Variants in DPP10 observed in about 807,000 individuals in gnomAD.
The protein encoded by DPP10 is inactive dipeptidyl peptidase 10.
A neutral mutation model predicts 120.9 loss-of-function variants in DPP10; 33 were observed. That is an observed-to-expected ratio of 0.27 (90% CI 0.21 to 0.37). The LOEUF (loss-of-function observed/expected upper bound fraction) is 0.37, where lower values mean the gene tolerates loss of function less well. DPP10 is among the 10% of genes least tolerant of loss of function. DPP10 has a pLI of 1.00. For missense variants in DPP10, 816 were observed against 942.8 expected, an observed-to-expected ratio of 0.87 and a Z score of 1.76; for synonymous variants, 337 against 326.1, an observed-to-expected ratio of 1.03 and a Z score of -0.36.
At chr2:115,217,642 C>T (rs1170333796) in intron 1 of DPP10, among the ~76,000 whole-genome samples, 1 of 152,168 alleles carries the variant, frequency 6.6e-6, no homozygotes, top group Non-Finnish European at 1.5e-5. Context: ...TATTTTACTT[C>T]AATTTCATCA....
chr2:114,542,893 T>C (rs1687065901), intron 1 of DPP10, among the ~76,000 whole-genome samples: 1 of 152,214 alleles, frequency 6.6e-6, no homozygotes, highest in African/African-American at 2.4e-5. Context: ...TTCTTAGGAA[T>C]ACCTGTGGCT....
At chr2:115,589,574 A>C (rs892184479) in intron 5 of DPP10, among the ~76,000 whole-genome samples, 2 of 152,182 alleles carry the variant, frequency 1.3e-5, no homozygotes, top group African/African-American at 4.8e-5. Context: ...GCAAGCAATT[A>C]TGGTGAATTC....
intron 5 of DPP10, among the ~76,000 whole-genome samples, chr2:115,612,668 A>G (rs1195495863): frequency 1.3e-5 from 2 of 152,100 alleles, no homozygotes; most frequent in African/African-American, 2.4e-5. Context: ...CTTAGCTATT[A>G]TGTTCCTGGG....
chr2:115,366,990 A>G (rs1202773664), intron 3 of DPP10, among the ~76,000 whole-genome samples: 1 of 152,058 alleles, frequency 6.6e-6, no homozygotes. Context: ...ATCCATCACT[A>G]TCTTCTTAAC....
At chr2:114,459,520 C>T (rs961862882) in intron 1 of DPP10, among the ~76,000 whole-genome samples, 3 of 152,150 alleles carry the variant, frequency 2.0e-5, no homozygotes, top group African/African-American at 4.8e-5. Context: ...TTCCTTTCCT[C>T]TTCCCTGGGT....
intron 2 of DPP10, among the ~76,000 whole-genome samples, chr2:115,342,742 A>G (rs1039821352): frequency 2.6e-5 from 4 of 152,176 alleles, no homozygotes; most frequent in Non-Finnish European, 5.9e-5. Context: ...TACAATTACA[A>G]TGTCTTATGC....
chr2:114,852,151 CTTTTT>C (rs34580352), intron 1 of DPP10, among the ~76,000 whole-genome samples: 6 of 53,728 alleles, frequency 1.1e-4, no homozygotes, highest in East Asian at 4.9e-4. Context: ...CGATTGCATC[CTTTTT>C]TTTTTTTTTT....
intron 3 of DPP10, among the ~76,000 whole-genome samples, chr2:115,465,709 C>G (rs2074287118): frequency 6.6e-6 from 1 of 152,088 alleles, no homozygotes; most frequent in East Asian, 1.9e-4. Flanking sequence ...TGTAGTCCAG[C>G]TACTCGGGAG....
At chr2:115,794,467 C>T (rs1338974230) in intron 19 of DPP10, among the ~76,000 whole-genome samples, 1 of 152,034 alleles carries the variant, frequency 6.6e-6, no homozygotes, top group East Asian at 1.9e-4. Flanking sequence ...AACTTAATCT[C>T]GTAACATTTA....
chr2:114,857,629 C>A (rs898508333), intron 1 of DPP10, among the ~76,000 whole-genome samples: 1 of 152,180 alleles, frequency 6.6e-6, no homozygotes, highest in South Asian at 2.1e-4. Context: ...GGATTTTGGA[C>A]TAGAACTAGT....
intron 2 of DPP10, among the ~76,000 whole-genome samples, chr2:115,321,266 A>G (rs774792156): frequency 2.6e-5 from 4 of 152,086 alleles, no homozygotes; most frequent in Admixed American, 6.6e-5. Flanking sequence ...GCGCCATTGC[A>G]CTCCAGCCTG....
rs774837163 is a variant in DPP10, at chr2:115,768,396, C to A, written c.1213C>A (p.Leu405Ile). The part of the protein sequence containing the change: ...RGEFHHVAMF[L>I]IQSKSEQITV... ...AGAATTTCACCACGTAGCTATGTTC[C>A]TCATCCAGGTAAGTGCTGGCTTTTT... The change falls in exon 13 of 26, where the codon CTC (leucine) becomes ATC (isoleucine). Residue 405 changes from leucine (L) to isoleucine (I), a missense_variant. This residue lies in a region of DPP10 where 592 missense variants were observed against 649.0 expected (regional missense o/e 0.91). Transcript: ENST00000410059. 6.2e-7 allele frequency: 1 copy of A among 1,612,540 alleles called. No homozygotes were observed. Among genetic ancestry groups the A allele is most frequent in the African/African-American group, 1.3e-5 (1 of 74,964 alleles).
chr2:115,214,380 A>G (rs929233414), intron 1 of DPP10, among the ~76,000 whole-genome samples: 6 of 152,326 alleles, frequency 3.9e-5, no homozygotes, highest in South Asian at 2.1e-4. Context: ...TTCATTTCCA[A>G]GTCTAAGCAT....
chr2:115,578,715 G>C (rs961704338), intron 5 of DPP10, among the ~76,000 whole-genome samples: 3 of 152,190 alleles, frequency 2.0e-5, no homozygotes, highest in Non-Finnish European at 4.4e-5. Context: ...ATTTGATTTG[G>C]AGAGAAATCT....
At chr2:114,800,299 G>A (rs1022761151) in intron 1 of DPP10, among the ~76,000 whole-genome samples, 5 of 152,270 alleles carry the variant, frequency 3.3e-5, no homozygotes, top group South Asian at 2.1e-4. Flanking sequence ...AGTTAGGAAC[G>A]ATATGAGGAA....
At chr2:115,325,033 G>A (rs1186330772) in intron 2 of DPP10, among the ~76,000 whole-genome samples, 5 of 151,808 alleles carry the variant, frequency 3.3e-5, no homozygotes, top group Non-Finnish European at 5.9e-5. Flanking sequence ...CTACAATAGT[G>A]GCATCAAAGA....
rs958355569 is a variant in DPP10 at position 115,823,716 on chromosome 2, T to C, written c.1950+7987T>C. Among the ~76,000 whole-genome samples, 4 of 152,324 alleles carry C rather than the reference T, an allele frequency of 2.6e-5. No individual in the cohort carries two copies. In the East Asian group the frequency reaches 7.7e-4, roughly 29 times the overall value. ...ATTTGTTTGGTTGGTTGGTTTTACT[T>C]TGGTTTTCTTTAGTTGAGGGATCAA... On this transcript the variant is annotated intron_variant, in intron 21 of 25. Transcript: ENST00000410059.
chr2:115,073,237 A>G (rs1224998614), intron 1 of DPP10, among the ~76,000 whole-genome samples: 1 of 152,226 alleles, frequency 6.6e-6, no homozygotes, highest in Non-Finnish European at 1.5e-5. Context: ...CCGAAGAAAA[A>G]CTTAACTTGT....
intron 1 of DPP10, among the ~76,000 whole-genome samples, chr2:115,039,347 AAATT>A (rs767818200): frequency 1.3e-5 from 2 of 152,244 alleles, no homozygotes; most frequent in Non-Finnish European, 2.9e-5. Context: ...TGCTTCAGAT[AAATT>A]AATTGTCAAA....
Sources: gnomAD v4.1 joint callset for allele counts (sites outside exome capture counted in the v4.1 genomes callset) on GRCh38, gnomAD v4.1.1 for gene constraint, gnomAD v4.1.1 regional missense constraint, MANE v1.5 for transcripts, NCBI Gene and HGNC (gene_info 2026-07-23, HGNC 2026-07-21) for gene names.